Variants in SAMTOR observed in about 807,000 individuals in gnomAD.
SAMTOR encodes the protein UPF0532 protein C7orf60.
chr7:112,834,592 C>G, the SAMTOR span, among the ~76,000 whole-genome samples: 3,088 of 152,250 alleles, frequency 0.02, 89 homozygotes, highest in African/African-American at 0.071. Flanking sequence ...ATGGTAAATT[C>G]TCACACCGTC....
At chr7:112,892,598 C>T in the SAMTOR span, among the ~76,000 whole-genome samples, 1 of 151,796 alleles carries the variant, frequency 6.6e-6, no homozygotes, top group African/African-American at 2.4e-5. Flanking sequence ...GGGAGATTCT[C>T]TCTCTATAAA....
At chr7:112,849,211 T>C in the SAMTOR span, among the ~76,000 whole-genome samples, 1 of 152,224 alleles carries the variant, frequency 6.6e-6, no homozygotes, top group South Asian at 2.1e-4. Context: ...CCAATTCTGC[T>C]ACCACAAATA....
At chr7:112,833,437 A>G in the SAMTOR span, among the ~76,000 whole-genome samples, 1 of 152,228 alleles carries the variant, frequency 6.6e-6, no homozygotes, top group Non-Finnish European at 1.5e-5. Flanking sequence ...TAATAAGATA[A>G]TACATTAATA....
the SAMTOR span, among the ~76,000 whole-genome samples, chr7:112,933,838 A>T: frequency 6.6e-6 from 1 of 152,270 alleles, no homozygotes; most frequent in Admixed American, 6.5e-5. Context: ...TCACTGGAAG[A>T]TTCTGGAGCC....
the SAMTOR span, among the ~76,000 whole-genome samples, chr7:112,843,801 G>A: frequency 6.6e-6 from 1 of 151,930 alleles, no homozygotes; most frequent in Admixed American, 6.6e-5. Flanking sequence ...TATGAAGCCA[G>A]CATCATTCTG....
chr7:112,835,002 C>CTA, the SAMTOR span, among the ~76,000 whole-genome samples: 1 of 152,112 alleles, frequency 6.6e-6, no homozygotes, highest in African/African-American at 2.4e-5. Flanking sequence ...TATAATTGTT[C>CTA]TATTTTATTG....
chr7:112,905,797 C>T, the SAMTOR span, among the ~76,000 whole-genome samples: 7 of 151,066 alleles, frequency 4.6e-5, no homozygotes, highest in East Asian at 1.9e-4. Context: ...TATATATATA[C>T]ACACATCAGC....
At chr7:112,859,705 A>G in the SAMTOR span, among the ~76,000 whole-genome samples, 1 of 152,188 alleles carries the variant, frequency 6.6e-6, no homozygotes, top group Non-Finnish European at 1.5e-5. Context: ...AAAGTTTAAA[A>G]AGTAAAAAAA....
chr7:112,939,865 ACCG>A, the SAMTOR span: 6 of 776,240 alleles, frequency 7.7e-6, no homozygotes, highest in Non-Finnish European at 1.2e-5. Flanking sequence ...AGGCAGAGGA[ACCG>A]GAGCGACAGC....
the SAMTOR span, among the ~76,000 whole-genome samples, chr7:112,831,713 A>G: frequency 7.9e-5 from 12 of 152,238 alleles, no homozygotes; most frequent in African/African-American, 2.9e-4. Flanking sequence ...ATAGTGTCAT[A>G]ATAACTGACC....
At chr7:112,860,359 C>T in the SAMTOR span, among the ~76,000 whole-genome samples, 206 of 152,190 alleles carry the variant, frequency 1.4e-3, no homozygotes, top group African/African-American at 4.6e-3. Flanking sequence ...CTCTGGAGAA[C>T]CCTAATACAC....
the SAMTOR span, among the ~76,000 whole-genome samples, chr7:112,855,909 A>T: frequency 1.6e-5 from 2 of 128,272 alleles, no homozygotes; most frequent in African/African-American, 6.4e-5. Flanking sequence ...GGGGGAGATT[A>T]AAAAAAAAAA....
At chr7:112,894,060 G>A in the SAMTOR span, among the ~76,000 whole-genome samples, 14 of 152,054 alleles carry the variant, frequency 9.2e-5, no homozygotes, top group African/African-American at 3.1e-4. Context: ...TTAGTCAGAG[G>A]AGTGCCTCTT....
the SAMTOR span, among the ~76,000 whole-genome samples, chr7:112,894,178 G>C: frequency 6.6e-6 from 1 of 151,710 alleles, no homozygotes; most frequent in East Asian, 1.9e-4. Flanking sequence ...AGAGAGAAGA[G>C]GGGGAGGGGG....
chr7:112,882,725 A>C, the SAMTOR span, among the ~76,000 whole-genome samples: 18 of 151,354 alleles, frequency 1.2e-4, no homozygotes, highest in Admixed American at 3.3e-4. Context: ...AACAACAACA[A>C]AAAATTTAAC....
the SAMTOR span, among the ~76,000 whole-genome samples, chr7:112,881,653 A>G: frequency 6.6e-6 from 1 of 152,120 alleles, no homozygotes; most frequent in Non-Finnish European, 1.5e-5. Context: ...CTGCCTGCCT[A>G]CAGAAACAAG....
chr7:112,916,782 G>A, the SAMTOR span, among the ~76,000 whole-genome samples: 1 of 152,216 alleles, frequency 6.6e-6, no homozygotes, highest in Non-Finnish European at 1.5e-5. Context: ...CGGCGCAACA[G>A]GAGATTATAT....
At chr7:112,841,435 C>G in the SAMTOR span, among the ~76,000 whole-genome samples, 1 of 152,158 alleles carries the variant, frequency 6.6e-6, no homozygotes, top group South Asian at 2.1e-4. Flanking sequence ...TAAGAGGACA[C>G]AAACAAATGG....
the SAMTOR span, chr7:112,915,181 T>C: frequency 7.2e-6 from 6 of 828,284 alleles, no homozygotes; most frequent in East Asian, 9.3e-5. Context: ...GAGGTTGCAG[T>C]GAGCCGAGAT....
Sources: allele counts gnomAD v4.1 joint callset (sites outside exome capture counted in the v4.1 genomes callset), GRCh38; gene constraint gnomAD v4.1.1; transcripts MANE v1.5; gene names NCBI Gene and HGNC (gene_info 2026-07-23, HGNC 2026-07-21).